MCTP2: variants seen among roughly 807,000 people sequenced by gnomAD.
The protein encoded by MCTP2 is multiple C2 and transmembrane domain-containing protein 2.
In MCTP2, 132 loss-of-function variants were observed where a neutral mutation model predicts 111.6. The observed-to-expected ratio is 1.18, with a 90% CI of 1.03 to 1.37. The LOEUF (loss-of-function observed/expected upper bound fraction) is 1.37. Ranked by LOEUF, MCTP2 falls within the 40% of genes most tolerant of loss-of-function variation. The pLI, the probability that MCTP2 is intolerant of heterozygous loss-of-function variation, is 0.00. For synonymous variants in MCTP2, 395 were observed against 387.7 expected, an observed-to-expected ratio of 1.02 and a Z score of -0.22; for missense variants, 1,183 against 1,067.9, an observed-to-expected ratio of 1.11 and a Z score of -1.50.
intron 1 of MCTP2, among the ~76,000 whole-genome samples, chr15:94,258,976 G>T (rs2073017834): frequency 6.6e-6 from 1 of 152,128 alleles, no homozygotes; most frequent in Non-Finnish European, 1.5e-5. Context: ...CTATGGTGCT[G>T]ATAATATATA....
intron 17 of MCTP2, among the ~76,000 whole-genome samples, chr15:94,429,289 T>C (rs1471239680): frequency 2.0e-5 from 3 of 152,182 alleles, no homozygotes; most frequent in Non-Finnish European, 4.4e-5. Flanking sequence ...TCCTGCCTCA[T>C]AATTTTATTT....
Position 94,464,243 on chromosome 15 carries a change from TATATATATATATATTA to T in MCTP2, c.2360+5998_2360+6013del, listed in dbSNP as rs930258971. Among the ~76,000 whole-genome samples the T allele has an allele frequency of 1.9e-4, 11 of 57,702 alleles. 2 individuals carry two copies. Among genetic ancestry groups the T allele is most frequent in the African/African-American group, 2.7e-4 (4 of 14,574 alleles). The allele number at this position is 57,702 out of a possible 152,430, so 37.9% of individuals were successfully genotyped here. On this transcript the variant is annotated intron_variant, in intron 20 of 22. Transcript: ENST00000357742. ...ATATTATATGTTTATATATATAATA[TATATATATATATATTA>T]TATATATATATATATATATAAACGT...
At chr15:94,402,703 A>G in intron 17 of MCTP2, 1 of 1,462,508 alleles carries the variant, frequency 6.8e-7, no homozygotes, top group Non-Finnish European at 9.0e-7. Context: ...CTCATTTGTA[A>G]AGGGACTTGT....
intron 1 of MCTP2, among the ~76,000 whole-genome samples, chr15:94,295,447 C>G (rs2075229875): frequency 6.6e-6 from 1 of 151,940 alleles, no homozygotes; most frequent in Non-Finnish European, 1.5e-5. Flanking sequence ...GTACAGTATC[C>G]CACTGTGTGA....
intron 9 of MCTP2, among the ~76,000 whole-genome samples, chr15:94,357,905 C>T (rs766750008): frequency 1.7e-4 from 26 of 152,286 alleles, no homozygotes; most frequent in Non-Finnish European, 3.2e-4. Flanking sequence ...AAGTCACTCT[C>T]GTTAATTTTT....
chr15:94,447,581 C>T (rs777834053), intron 19 of MCTP2, among the ~76,000 whole-genome samples: 28 of 152,144 alleles, frequency 1.8e-4, no homozygotes, highest in South Asian at 2.1e-4. Context: ...TTTACCACGT[C>T]GGCCAGGCTG....
chr15:94,470,286 AGTTG>A (rs778617101), intron 20 of MCTP2, 43 bp from the exon 21 acceptor site: 1 of 1,250,444 alleles, frequency 8.0e-7, no homozygotes, highest in South Asian at 1.2e-5. Flanking sequence ...ACTCTGTGGC[AGTTG>A]TTGAACATCA....
Position 94,413,564 on chromosome 15 carries a change from C to T in MCTP2, c.2085+11545C>T, listed in dbSNP as rs993252610. On this transcript the variant is annotated intron_variant, in intron 17 of 22. Transcript: ENST00000357742. ...TGTGACATGGCTTGCTTAGGCATGA[C>T]GCTGAGTGTGTGTGTGTGTGTGTGT... 6.5e-5 allele frequency among the ~76,000 whole-genome samples: 6 copies of T among 92,806 alleles called. No homozygotes were observed. In the East Asian group the frequency reaches 1.1e-3, roughly 17 times the overall value. 60.9% of individuals were successfully genotyped at this position (92,806 alleles called of 152,430 possible). A position where few individuals can be genotyped will look rare whatever the true frequency, so the allele number is the denominator to read the frequency against.
intron 12 of MCTP2, among the ~76,000 whole-genome samples, chr15:94,378,253 G>C (rs1287542094): frequency 6.6e-6 from 1 of 151,988 alleles, no homozygotes; most frequent in Non-Finnish European, 1.5e-5. Context: ...CAAGCGCAGT[G>C]ACTCGCACCC....
At chr15:94,365,325 C>T (rs2079128615) in intron 10 of MCTP2, among the ~76,000 whole-genome samples, 2 of 152,162 alleles carry the variant, frequency 1.3e-5, no homozygotes, top group Non-Finnish European at 1.5e-5. Context: ...AATATCTAAA[C>T]TACAAATGGC....
chr15:94,262,485 C>T (rs577263172), intron 1 of MCTP2, among the ~76,000 whole-genome samples: 2 of 152,210 alleles, frequency 1.3e-5, no homozygotes, highest in East Asian at 3.9e-4. Flanking sequence ...GCAAATCTAA[C>T]AGTGATTGCA....
chr15:94,311,726 C>T (rs572800000), intron 2 of MCTP2, among the ~76,000 whole-genome samples: 2 of 152,272 alleles, frequency 1.3e-5, no homozygotes, highest in South Asian at 2.1e-4. Context: ...TGTCATTGCT[C>T]ACATTGAATT....
At chr15:94,388,729 A>T (rs954046212) in intron 14 of MCTP2, among the ~76,000 whole-genome samples, 2 of 152,136 alleles carry the variant, frequency 1.3e-5, no homozygotes, top group African/African-American at 4.8e-5. Context: ...TCAGTTCTCT[A>T]AGGACTGGAT....
At chr15:94,390,298 C>T (rs967571556) in intron 14 of MCTP2, among the ~76,000 whole-genome samples, 1 of 151,600 alleles carries the variant, frequency 6.6e-6, no homozygotes, top group Non-Finnish European at 1.5e-5. Context: ...GATTGGAATG[C>T]GTTATAATCT....
intron 1 of MCTP2, among the ~76,000 whole-genome samples, chr15:94,246,593 A>T (rs2152256881): frequency 6.6e-6 from 1 of 152,308 alleles, no homozygotes; most frequent in African/African-American, 2.4e-5. Context: ...TTCATATTTA[A>T]AAACTCATTT....
At chr15:94,267,869 C>CTTTTTTTGTTTTTTTTT (rs1555443743) in intron 1 of MCTP2, among the ~76,000 whole-genome samples, 1 of 77,454 alleles carries the variant, frequency 1.3e-5, no homozygotes. Flanking sequence ...CCTTTTCTTT[C>CTTTTTTTGTTTTTTTTT]TTTTTTTTTT....
At chr15:94,278,602 C>A (rs2074327284) in intron 1 of MCTP2, among the ~76,000 whole-genome samples, 1 of 152,056 alleles carries the variant, frequency 6.6e-6, no homozygotes, top group Admixed American at 6.5e-5. Context: ...ATTTTAGTTT[C>A]AGGGAGGTAC....
At chr15:94,240,191 A>G (rs1305110218) in intron 1 of MCTP2, among the ~76,000 whole-genome samples, 1 of 152,016 alleles carries the variant, frequency 6.6e-6, no homozygotes, top group Non-Finnish European at 1.5e-5. Context: ...CGGAGTCTCT[A>G]CTCAGTGGTA....
At chr15:94,413,891 G>A (rs553842966) in intron 17 of MCTP2, among the ~76,000 whole-genome samples, 1 of 152,032 alleles carries the variant, frequency 6.6e-6, no homozygotes, top group African/African-American at 2.4e-5. Context: ...GCTAGTTAAG[G>A]TTCAAGAGTT....
Sources: gnomAD v4.1 joint callset for allele counts (sites outside exome capture counted in the v4.1 genomes callset) on GRCh38, gnomAD v4.1.1 for gene constraint, MANE v1.5 for transcripts, NCBI Gene and HGNC (gene_info 2026-07-23, HGNC 2026-07-21) for gene names.